Variants in WWOX observed in about 807,000 individuals in gnomAD.
WWOX encodes WW domain-containing oxidoreductase.
In WWOX, 69 loss-of-function variants were observed where a neutral mutation model predicts 46.2. The observed-to-expected ratio is 1.49, with a 90% CI of 1.23 to 1.82. The LOEUF is 1.82. Among genes scored for constraint, WWOX ranks in the 40% most tolerant of loss-of-function variants. The pLI, the probability that WWOX is intolerant of heterozygous loss-of-function variation, is 0.00. For synonymous variants in WWOX, 359 were observed against 202.6 expected, an observed-to-expected ratio of 1.77 and a Z score of -6.56; for missense variants, 919 against 542.6, an observed-to-expected ratio of 1.69 and a Z score of -6.89.
At chr16:78,843,828 A>G (rs571415813) in intron 8 of WWOX, among the ~76,000 whole-genome samples, 2 of 152,160 alleles carry the variant, frequency 1.3e-5, no homozygotes, top group African/African-American at 2.4e-5. Flanking sequence ...CTTCAGCACA[A>G]TCCCTATTTT....
intron 8 of WWOX, among the ~76,000 whole-genome samples, chr16:78,949,647 G>C (rs569313424): frequency 2.6e-5 from 4 of 152,196 alleles, no homozygotes; most frequent in Non-Finnish European, 5.9e-5. Flanking sequence ...TCCAAGGCTC[G>C]TGTTAACTCC....
At chr16:78,425,367 A>T (rs763491776) in intron 7 of WWOX, among the ~76,000 whole-genome samples, 2 of 152,208 alleles carry the variant, frequency 1.3e-5, no homozygotes, top group Admixed American at 1.3e-4. Flanking sequence ...TTGTAATTCA[A>T]CAACTTCAAC....
At chr16:78,662,254 A>G (rs1362072838) in intron 8 of WWOX, among the ~76,000 whole-genome samples, 2 of 152,166 alleles carry the variant, frequency 1.3e-5, no homozygotes, top group South Asian at 4.1e-4. Flanking sequence ...TGCTATCTGT[A>G]CATAGAAGAA....
At chr16:79,136,299 C>T (rs147058800) in intron 8 of WWOX, among the ~76,000 whole-genome samples, 12 of 151,274 alleles carry the variant, frequency 7.9e-5, no homozygotes, top group African/African-American at 1.9e-4. Flanking sequence ...GGTGCAATCT[C>T]GGCTCACTGC....
chr16:79,103,818 A>G (rs976593958), intron 8 of WWOX, among the ~76,000 whole-genome samples: 1 of 152,092 alleles, frequency 6.6e-6, no homozygotes, highest in African/African-American at 2.4e-5. Flanking sequence ...TTCTCAAGCA[A>G]AGGCATCTTA....
At chr16:78,516,742 G>A (rs529359354) in intron 8 of WWOX, among the ~76,000 whole-genome samples, 1 of 152,178 alleles carries the variant, frequency 6.6e-6, no homozygotes, top group East Asian at 1.9e-4. Context: ...TAAACGCGAG[G>A]GTTTCCTAAT....
intron 8 of WWOX, among the ~76,000 whole-genome samples, chr16:78,608,827 C>G (rs2045828493): frequency 6.6e-6 from 1 of 152,126 alleles, no homozygotes; most frequent in Non-Finnish European, 1.5e-5. Context: ...TTTATTTTTT[C>G]TAGCCTTTAT....
chr16:79,204,908 T>G (rs146185918), intron 8 of WWOX: 78 of 152,360 alleles, frequency 5.1e-4, no homozygotes, highest in African/African-American at 1.5e-3. Context: ...TTGCTGGCTT[T>G]CCAATTCATT....
chr16:78,371,324 T>C (rs1003729541), intron 5 of WWOX, among the ~76,000 whole-genome samples: 8 of 152,226 alleles, frequency 5.3e-5, no homozygotes, highest in African/African-American at 1.4e-4. Context: ...CTAGTTTAAC[T>C]GCCTCACAGT....
At chr16:78,871,963 TTGGCTG>T (rs962491711) in intron 8 of WWOX, among the ~76,000 whole-genome samples, 1 of 152,186 alleles carries the variant, frequency 6.6e-6, no homozygotes, top group African/African-American at 2.4e-5. Context: ...TAGGGAGAGC[TTGGCTG>T]TGGCCTTGCA....
At chr16:79,024,370 C>A (rs902734092) in intron 8 of WWOX, among the ~76,000 whole-genome samples, 2 of 152,158 alleles carry the variant, frequency 1.3e-5, no homozygotes, top group African/African-American at 4.8e-5. Context: ...GAGACCCTCC[C>A]ACCTTAGCCT....
At chr16:78,363,711 C>T (rs1003325465) in intron 5 of WWOX, among the ~76,000 whole-genome samples, 5 of 152,182 alleles carry the variant, frequency 3.3e-5, no homozygotes, top group East Asian at 1.9e-4. Flanking sequence ...TATTTGCCAA[C>T]CCTCAACCTG....
intron 8 of WWOX, among the ~76,000 whole-genome samples, chr16:78,813,469 T>C (rs144934101): frequency 1.6e-3 from 245 of 152,270 alleles, no homozygotes; most frequent in African/African-American, 5.7e-3. Context: ...TCTATTCTAA[T>C]TTCTGGGGAC....
chr16:78,400,845 G>T (rs983981307), intron 6 of WWOX, among the ~76,000 whole-genome samples: 6 of 152,188 alleles, frequency 3.9e-5, no homozygotes, highest in Non-Finnish European at 8.8e-5. Context: ...TTGTTTCTGA[G>T]ATAGGGCTGG....
At chr16:78,285,771 T>C (rs956765114) in intron 5 of WWOX, among the ~76,000 whole-genome samples, 1 of 152,188 alleles carries the variant, frequency 6.6e-6, no homozygotes, top group Non-Finnish European at 1.5e-5. Flanking sequence ...GGTTGCTTAC[T>C]TCAAGAGCCC....
chr16:78,728,744 A>T (rs1347109878), intron 8 of WWOX, among the ~76,000 whole-genome samples: 1 of 152,158 alleles, frequency 6.6e-6, no homozygotes, highest in Admixed American at 6.5e-5. Context: ...TCCAAGAGGG[A>T]AAACAATCTT....
intron 8 of WWOX, among the ~76,000 whole-genome samples, chr16:78,971,599 A>C (rs2046471839): frequency 1.3e-5 from 2 of 152,124 alleles, no homozygotes; most frequent in African/African-American, 4.8e-5. Flanking sequence ...AGAAGAGCAT[A>C]AGAAAAAGGA....
intron 5 of WWOX, among the ~76,000 whole-genome samples, chr16:78,366,195 CATGTTCAAGA>C (rs1193465018): frequency 6.6e-6 from 1 of 152,202 alleles, no homozygotes; most frequent in Non-Finnish European, 1.5e-5. Context: ...AAAAAGCTTT[CATGTTCAAGA>C]AGACTTGTGG....
intron 8 of WWOX, among the ~76,000 whole-genome samples, chr16:78,487,041 G>T (rs2084655686): frequency 6.6e-6 from 1 of 152,168 alleles, no homozygotes; most frequent in Admixed American, 6.5e-5. Flanking sequence ...CATGTACCCT[G>T]CTTGGTACAT....
Sources: gnomAD v4.1 joint callset for allele counts (sites outside exome capture counted in the v4.1 genomes callset) on GRCh38, gnomAD v4.1.1 for gene constraint, MANE v1.5 for transcripts, NCBI Gene and HGNC (gene_info 2026-07-23, HGNC 2026-07-21) for gene names.